The following CTNNA3 variants were observed in gnomAD, a reference collection of about 807,000 sequenced individuals.
CTNNA3 encodes catenin alpha 3, also known as catenin alpha-3.
A neutral mutation model predicts 95.7 loss-of-function variants in CTNNA3; 76 were observed. The ratio of observed to expected loss-of-function variants is 0.79; its 90% confidence interval spans 0.66 to 0.96. The LOEUF is 0.96. Ranked by LOEUF, CTNNA3 falls within the 40% of genes least tolerant of loss-of-function variation. The pLI, the probability that CTNNA3 is intolerant of heterozygous loss-of-function variation, is 0.00. For synonymous variants in CTNNA3, 431 were observed against 374.4 expected (o/e 1.15, Z -1.74); for missense variants, 1,191 against 1,089.8 (o/e 1.09, Z -1.31).
chr10:66,856,754 T>C (rs931773896), intron 7 of CTNNA3, among the ~76,000 whole-genome samples: 3 of 152,082 alleles, frequency 2.0e-5, no homozygotes, highest in African/African-American at 7.2e-5. Context: ...TTTATGGGGT[T>C]GTTTTCTGCT....
At chr10:67,376,909 A>C (rs1019483514) in intron 5 of CTNNA3, among the ~76,000 whole-genome samples, 4 of 152,212 alleles carry the variant, frequency 2.6e-5, no homozygotes, top group African/African-American at 4.8e-5. Context: ...AAGTCAATAC[A>C]CATCAAAGCT....
At chr10:67,488,713 A>C (rs977957430) in intron 5 of CTNNA3, among the ~76,000 whole-genome samples, 3 of 141,632 alleles carry the variant, frequency 2.1e-5, no homozygotes, top group Non-Finnish European at 4.5e-5. Context: ...TCTGTCACCT[A>C]GGCTGGAGTG....
At chr10:67,217,822 G>A (rs1217293855) in intron 6 of CTNNA3, among the ~76,000 whole-genome samples, 4 of 144,536 alleles carry the variant, frequency 2.8e-5, no homozygotes, top group Admixed American at 6.8e-5. Flanking sequence ...CAGGTTGAGC[G>A]TTGCTAATCT....
chr10:67,240,293 C>T (rs556630441), intron 5 of CTNNA3, among the ~76,000 whole-genome samples: 1 of 152,324 alleles, frequency 6.6e-6, no homozygotes, highest in African/African-American at 2.4e-5. Context: ...TGCCAAGATG[C>T]TGCATACCAA....
rs370194767 is a variant in CTNNA3, at chr10:66,692,893, T to C, written c.1282-71109A>G. Among the ~76,000 whole-genome samples the C allele has an allele frequency of 2.7e-4, 41 of 152,148 alleles. 1 individual carries two copies. In the East Asian group the frequency reaches 7.5e-3, roughly 28 times the overall value. On this transcript the variant is annotated intron_variant, in intron 9 of 17. Coordinates refer to ENST00000433211, the MANE Select transcript of CTNNA3 (RefSeq NM_013266.4). ...CATAAGTGAAGGAGAAATAAAATAC[T>C]TTACAGACAAGCAAATGCTGAGAGA...
intron 16 of CTNNA3, among the ~76,000 whole-genome samples, chr10:65,974,978 T>C (rs1039586882): frequency 6.6e-6 from 1 of 152,160 alleles, no homozygotes; most frequent in African/African-American, 2.4e-5. Context: ...AGAAAACCTT[T>C]CATGCATTTC....
intron 11 of CTNNA3, among the ~76,000 whole-genome samples, chr10:66,491,866 T>G (rs1839933955): frequency 2.0e-5 from 3 of 152,206 alleles, no homozygotes; most frequent in Admixed American, 1.3e-4. Context: ...GTACCATTAG[T>G]GGCCATGATA....
At chr10:67,544,044 G>A (rs1840764451) in intron 3 of CTNNA3, among the ~76,000 whole-genome samples, 2 of 152,294 alleles carry the variant, frequency 1.3e-5, no homozygotes, top group Non-Finnish European at 1.5e-5. Context: ...CATGGCAGGT[G>A]GAAGGGCAGC....
intron 15 of CTNNA3, among the ~76,000 whole-genome samples, chr10:66,047,185 A>T (rs1359045102): frequency 6.6e-6 from 1 of 152,058 alleles, no homozygotes; most frequent in Non-Finnish European, 1.5e-5. Context: ...ACAAAAGAAA[A>T]CTTCAGGCCA....
At chr10:66,296,539 A>G (rs2091779529) in intron 12 of CTNNA3, among the ~76,000 whole-genome samples, 1 of 151,820 alleles carries the variant, frequency 6.6e-6, no homozygotes, top group African/African-American at 2.4e-5. Flanking sequence ...AAACTCACAC[A>G]CACATGTGTG....
chr10:66,411,074 G>A (rs2132595447), intron 11 of CTNNA3, among the ~76,000 whole-genome samples: 1 of 152,274 alleles, frequency 6.6e-6, no homozygotes, highest in Admixed American at 6.5e-5. Flanking sequence ...AATTTCTTCT[G>A]TCAATTTGAA....
At chr10:66,109,391 G>T (rs1368335012) in intron 13 of CTNNA3, among the ~76,000 whole-genome samples, 2 of 152,156 alleles carry the variant, frequency 1.3e-5, no homozygotes, top group African/African-American at 4.8e-5. Flanking sequence ...TTTGTGTATT[G>T]TAAGAAGTTT....
rs569989580 is a variant in CTNNA3, at chr10:67,655,757, C to T, written c.-5-8239G>A. Among the ~76,000 whole-genome samples, 3 of 140,710 alleles carry T rather than the reference C, an allele frequency of 2.1e-5. No homozygotes were observed. In the East Asian group the frequency reaches 6.1e-4, roughly 29 times the overall value. 92.3% of individuals were successfully genotyped at this position (140,710 alleles called of 152,430 possible). A position where few individuals can be genotyped will look rare whatever the true frequency, so the allele number is the denominator to read the frequency against. ...CTGCAGTGAGCCAAGATTAGAAGAT[C>T]GTGAAACAGAGCGAGACTCCGTCTC... On this transcript the variant is annotated intron_variant, in intron 1 of 17. Transcript: ENST00000433211.
At chr10:66,216,302 A>T (rs1156454764) in intron 13 of CTNNA3, among the ~76,000 whole-genome samples, 1 of 152,240 alleles carries the variant, frequency 6.6e-6, no homozygotes, top group African/African-American at 2.4e-5. Flanking sequence ...ACAAATCAAG[A>T]TCAACAGTAC....
At chr10:66,427,215 GC>G (rs1329275523) in intron 11 of CTNNA3, among the ~76,000 whole-genome samples, 1 of 151,936 alleles carries the variant, frequency 6.6e-6, no homozygotes, top group Non-Finnish European at 1.5e-5. Context: ...GTAAACACAA[GC>G]AAAAACTCCA....
intron 5 of CTNNA3, among the ~76,000 whole-genome samples, chr10:67,250,803 G>A (rs759598413): frequency 2.8e-4 from 43 of 152,282 alleles, no homozygotes; most frequent in Middle Eastern, 3.4e-3. Context: ...AGATGGCTAT[G>A]ATAAAAATGC....
chr10:66,923,589 AAGG>A (rs1254628565), intron 7 of CTNNA3, among the ~76,000 whole-genome samples: 2 of 152,230 alleles, frequency 1.3e-5, no homozygotes, highest in Non-Finnish European at 2.9e-5. Context: ...GTGCTGTGCA[AAGG>A]AGAATAGTCA....
chr10:66,235,583 T>C (rs978972014), intron 13 of CTNNA3, among the ~76,000 whole-genome samples: 10 of 152,110 alleles, frequency 6.6e-5, no homozygotes, highest in Admixed American at 6.6e-5. Context: ...TAGTTTCACA[T>C]TCCAAAGAAG....
At chr10:66,630,324 A>G (rs1048379904) in intron 9 of CTNNA3, among the ~76,000 whole-genome samples, 3 of 152,158 alleles carry the variant, frequency 2.0e-5, no homozygotes, top group Non-Finnish European at 2.9e-5. Flanking sequence ...TTCATTTTCA[A>G]TATTCTACAA....
Sources: allele counts gnomAD v4.1 joint callset (sites outside exome capture counted in the v4.1 genomes callset), GRCh38; gene constraint gnomAD v4.1.1; transcripts MANE v1.5; gene names NCBI Gene and HGNC (gene_info 2026-07-23, HGNC 2026-07-21).